The following ARPC1B variants were observed in gnomAD, a reference collection of about 807,000 sequenced individuals.
The protein encoded by ARPC1B is actin related protein 2/3 complex subunit 1B, also known as actin-related protein 2/3 complex subunit 1B.
Under a neutral mutation model 46.0 loss-of-function variants are expected in ARPC1B, and 29 were observed. The observed-to-expected ratio is 0.63, with a 90% CI of 0.47 to 0.86. The LOEUF (loss-of-function observed/expected upper bound fraction) is 0.86. Ranked by LOEUF, ARPC1B falls within the 40% of genes least tolerant of loss-of-function variation. The pLI is 0.00. For missense variants in ARPC1B, 469 were observed against 529.4 expected, an observed-to-expected ratio of 0.89 and a Z score of 1.12; for synonymous variants, 201 against 213.9, an observed-to-expected ratio of 0.94 and a Z score of 0.53.
rs752204964 is a variant in ARPC1B at position 99,388,172 on chromosome 7, C to G, written c.303C>G (p.Cys101Trp). The change falls in exon 4 of 10, where the codon TGC becomes TGG. Residue 101 changes from cysteine to tryptophan, a missense_variant. Cys to Trp is a radical substitution (Grantham distance 215). Coordinates refer to ENST00000646101, the MANE Select transcript of ARPC1B (RefSeq NM_005720.4). ...VILRINRAARCVRWAPNENKF... is the reference protein window; with the variant it reads ...VILRINRAARWVRWAPNENKF... ...TGCGGATCAACCGGGCTGCCCGCTGCGTGCGCTGGGCCCCCAACGAGAACA... is the reference window on the plus strand; with the variant it reads ...TGCGGATCAACCGGGCTGCCCGCTGGGTGCGCTGGGCCCCCAACGAGAACA... 6.2e-7 allele frequency: 1 copy of G among 1,614,138 alleles called. No homozygotes were observed. Among genetic ancestry groups the G allele is most frequent in the Non-Finnish European group, 8.5e-7 (1 of 1,180,048 alleles).
intron 5 of ARPC1B, 110 bp from the exon 6 acceptor site, chr7:99,390,783 G>GGGTTC (rs1794547331): frequency 1.1e-6 from 1 of 916,270 alleles, no homozygotes; most frequent in East Asian, 2.5e-5. Flanking sequence ...CTGCAGCCTT[G>GGGTTC]ACCTCCTGGG....
rs148441406 is a variant in ARPC1B at position 99,376,669 on chromosome 7, G to A, written c.-14+1888G>A. On this transcript the variant is annotated intron_variant, in intron 1 of 9. Transcript: ENST00000646101. Reference sequence around the variant, plus strand: ...GCAGATTACCTGAGGTCGGGAGTTCGAGACCAGCCTGACCAACGTGGTGAA... The same window carrying A: ...GCAGATTACCTGAGGTCGGGAGTTCAAGACCAGCCTGACCAACGTGGTGAA... The A allele has an allele frequency of 2.8e-3, 428 of 152,280 alleles. 2 individuals carry two copies. Among genetic ancestry groups the A allele is most frequent in the African/African-American group, 9.9e-3 (413 of 41,534 alleles). The allele number at this position is 152,280 out of a possible 1,614,324, so 9.4% of individuals were successfully genotyped here. A position where few individuals can be genotyped will look rare whatever the true frequency, so the allele number is the denominator to read the frequency against.
At chr7:99,390,805 C>A in intron 5 of ARPC1B, 88 bp from the exon 6 acceptor site, 1 of 1,249,834 alleles carries the variant, frequency 8.0e-7, no homozygotes, top group Non-Finnish European at 1.1e-6. Flanking sequence ...TCAAGCAATC[C>A]TCCCGCCTCA....
intron 1 of ARPC1B, among the ~76,000 whole-genome samples, chr7:99,379,519 G>A (rs941200033): frequency 3.9e-5 from 6 of 152,136 alleles, no homozygotes; most frequent in Admixed American, 3.9e-4. Context: ...CTCCTCCTTG[G>A]TTTAGCCTCT....
At chr7:99,378,353 G>A (rs892906098) in intron 1 of ARPC1B, among the ~76,000 whole-genome samples, 8 of 151,708 alleles carry the variant, frequency 5.3e-5, no homozygotes, top group African/African-American at 9.7e-5. Flanking sequence ...GATTACAGGC[G>A]TGAGCCATGG....
chr7:99,388,294 T>C, intron 4 of ARPC1B, 33 bp downstream of exon 4: 2 of 1,606,302 alleles, frequency 1.2e-6, no homozygotes, highest in Non-Finnish European at 1.7e-6. Context: ...AGTGGGCTGT[T>C]AGGGACCGGG....
At chr7:99,376,405 G>A (rs1031701499) in intron 1 of ARPC1B, 1 of 152,154 alleles carries the variant, frequency 6.6e-6, no homozygotes, top group Non-Finnish European at 1.5e-5. Context: ...CAGTATAAAC[G>A]TGCGTTTGTT....
intron 1 of ARPC1B, among the ~76,000 whole-genome samples, chr7:99,381,703 G>A (rs141470588): frequency 0.017 from 2,641 of 152,338 alleles, 30 homozygotes; most frequent in Non-Finnish European, 0.025. Flanking sequence ...GCAGGAGGTG[G>A]ACAGGGCCTT....
In ARPC1B at chr7:99,394,043, T is replaced by C. The variant is rs1278166105; in HGVS notation, c.1004T>C (p.Leu335Pro). 1.9e-6 allele frequency: 3 copies of C among 1,613,206 alleles called. No homozygotes were observed. The highest frequency in any genetic ancestry group is 1.7e-5 in the Admixed American group (1 of 60,030). ...CCTCTTTGCAGCCAGATCTCGGTGC[T>C]CAGCGGCGGCAAGGCCAAGTGCTCG... is the stretch of plus-strand genomic sequence containing the variant. ...HKNSVSQISVLSGGKAKCSQF... is the reference protein window; with the variant it reads ...HKNSVSQISVPSGGKAKCSQF... Residue 335 changes from leucine (L) to proline (P), a missense_variant, in exon 9 of 10, where the codon CTC (leucine) becomes CCC (proline). Coordinates refer to ENST00000646101, the MANE Select transcript of ARPC1B (RefSeq NM_005720.4).
chr7:99,376,830 G>T (rs961078619), intron 1 of ARPC1B, among the ~76,000 whole-genome samples: 4 of 148,880 alleles, frequency 2.7e-5, no homozygotes, highest in African/African-American at 7.5e-5. Context: ...AGATCATGCC[G>T]TTGCACTCCA....
At chr7:99,382,248 G>A (rs1004127031) in intron 1 of ARPC1B, among the ~76,000 whole-genome samples, 42 of 152,040 alleles carry the variant, frequency 2.8e-4, no homozygotes, top group Non-Finnish European at 4.3e-4. Flanking sequence ...GACCAGCCTG[G>A]CCAACATGGT....
Position 99,394,661 on chromosome 7 carries a change from G to A in ARPC1B, c.*172G>A. 2.2e-6 allele frequency: 3 copies of A among 1,364,806 alleles called. No homozygotes were observed. Among genetic ancestry groups the A allele is most frequent in the South Asian group, 1.9e-5 (1 of 53,724 alleles). The allele number at this position is 1,364,806 out of a possible 1,614,324, so 84.5% of individuals were successfully genotyped here. On this transcript the variant is annotated 3_prime_UTR_variant, in exon 10 of 10. Coordinates refer to ENST00000646101, the MANE Select transcript of ARPC1B (RefSeq NM_005720.4). ...TGGGGAGCTTTTCTTACCTATTCAA[G>A]GAATACGTGCCTTTTTCTTAAATGC...
intron 1 of ARPC1B, among the ~76,000 whole-genome samples, chr7:99,380,333 T>C (rs999473334): frequency 6.6e-6 from 1 of 150,912 alleles, no homozygotes; most frequent in Admixed American, 6.6e-5. Flanking sequence ...TGGGGAGTTA[T>C]CGCAGAGGCG....
At chr7:99,389,686 A>G (rs941136103) in intron 4 of ARPC1B, 1 of 538,198 alleles carries the variant, frequency 1.9e-6, no homozygotes, top group Non-Finnish European at 3.4e-6. Context: ...TGTGGCCTAA[A>G]GGATAGAGGG....
chr7:99,393,125 C>A (rs925146638), intron 8 of ARPC1B, among the ~76,000 whole-genome samples: 1 of 152,114 alleles, frequency 6.6e-6, no homozygotes, highest in African/African-American at 2.4e-5. Context: ...ACTAAAACCG[C>A]GTGGGGCGGA....
chr7:99,380,200 T>C (rs1794168562), intron 1 of ARPC1B, among the ~76,000 whole-genome samples: 1 of 152,136 alleles, frequency 6.6e-6, no homozygotes, highest in African/African-American at 2.4e-5. Flanking sequence ...CTGAGGATGA[T>C]GAAGTTGGAG....
rs181396496 is a variant in ARPC1B at position 99,376,984 on chromosome 7, A to G, written c.-14+2203A>G. On this transcript the variant is annotated intron_variant, in intron 1 of 9. Coordinates refer to ENST00000646101, the MANE Select transcript of ARPC1B (RefSeq NM_005720.4). The stretch of plus-strand genomic sequence containing the variant: ...GATGCCGGTAAAGTTTGTTTCTTAC[A>G]TATGTCTGTACATAATCCATTGATA... Among the ~76,000 whole-genome samples, 115 of 152,206 alleles carry G rather than the reference A, an allele frequency of 7.6e-4. 1 individual carries two copies. In the East Asian group the frequency reaches 0.022, roughly 29 times the overall value.
intron 7 of ARPC1B, among the ~76,000 whole-genome samples, chr7:99,391,699 C>A (rs1261668238): frequency 6.9e-6 from 1 of 144,228 alleles, no homozygotes; most frequent in East Asian, 2.1e-4. Context: ...GGCTTCTGAA[C>A]TGAGCTATGG....
At position 99,391,167 on chromosome 7, in the gene ARPC1B, T is replaced by C. The variant is rs2150896400; in HGVS notation, c.708-11T>C. 2 of 1,613,746 alleles carry C rather than the reference T, an allele frequency of 1.2e-6. No individual in the cohort carries two copies. Among genetic ancestry groups the C allele is most frequent in the Non-Finnish European group, 1.7e-6 (2 of 1,179,864 alleles). Reference sequence around the variant, plus strand: ...AGTGGGACACCGTGACTCACAGCTCTCTCCCCTCAGCGTCGCGACTCTGGC... The same window carrying C: ...AGTGGGACACCGTGACTCACAGCTCCCTCCCCTCAGCGTCGCGACTCTGGC... On this transcript the variant is annotated splice_polypyrimidine_tract_variant and intron_variant, in intron 6 of 9. Coordinates refer to ENST00000646101, the MANE Select transcript of ARPC1B (RefSeq NM_005720.4).
Sources: gnomAD v4.1 joint callset for allele counts (sites outside exome capture counted in the v4.1 genomes callset) on GRCh38, gnomAD v4.1.1 for gene constraint, MANE v1.5 for transcripts, NCBI Gene and HGNC (gene_info 2026-07-23, HGNC 2026-07-21) for gene names.